Variants in RBM20 observed in about 807,000 individuals in gnomAD.
The protein encoded by RBM20 is RNA-binding protein 20.
In RBM20, 51 loss-of-function variants were observed where a neutral mutation model predicts 110.1. The ratio of observed to expected loss-of-function variants is 0.46; its 90% CI spans 0.37 to 0.59. The LOEUF (loss-of-function observed/expected upper bound fraction) is 0.59, where lower values mean the gene tolerates loss of function less well. Ranked by LOEUF, RBM20 falls within the 20% of genes least tolerant of loss-of-function variation. RBM20 has a pLI of 0.00. For missense variants in RBM20, 1,512 were observed against 1,574.9 expected, an observed-to-expected ratio of 0.96 and a Z score of 0.68; for synonymous variants, 589 against 618.2, an observed-to-expected ratio of 0.95 and a Z score of 0.70.
At chr10:110,813,053 G>T in intron 9 of RBM20, 106 bp downstream of exon 9, 1 of 822,876 alleles carries the variant, frequency 1.2e-6, no homozygotes, top group Non-Finnish European at 1.8e-6. Flanking sequence ...AACATTTACT[G>T]GCTATTTACT....
At chr10:110,648,715 G>GT (rs369349858) in intron 1 of RBM20, among the ~76,000 whole-genome samples, 2 of 46,314 alleles carry the variant, frequency 4.3e-5, no homozygotes, top group Non-Finnish European at 1.9e-4. Context: ...GGGAAGAAAA[G>GT]GGGGGGGTGC....
chr10:110,665,110 C>CG (rs1193140771), intron 1 of RBM20, among the ~76,000 whole-genome samples: 2 of 152,070 alleles, frequency 1.3e-5, no homozygotes, highest in Non-Finnish European at 2.9e-5. Context: ...CTCCTGGCTT[C>CG]GGTGATCTTC....
rs911777972 is a variant in RBM20, at chr10:110,739,890, C to T, written c.192-40911C>T. On this transcript the variant is annotated intron_variant, in intron 1 of 13. Transcript: ENST00000369519. The surrounding 1 kb of genome is among the most constrained non-coding windows in gnomAD (Gnocchi z 4.1). Reference sequence around the variant, plus strand: ...GCCCACAAGCAGTGAGGAAGCCACTCCCAGCGGCCCTGCCCGTCTGGGTCC... The same window carrying T: ...GCCCACAAGCAGTGAGGAAGCCACTTCCAGCGGCCCTGCCCGTCTGGGTCC... Among the ~76,000 whole-genome samples, 1 of 152,228 alleles carries T rather than the reference C, an allele frequency of 6.6e-6. No homozygotes were observed. The highest frequency in any genetic ancestry group is 2.4e-5 in the African/African-American group (1 of 41,462).
At chr10:110,644,253 T>C, upstream of RBM20, 1 of 317,278 alleles carries the variant, frequency 3.2e-6, no homozygotes, top group Non-Finnish European at 5.7e-6. This position sits in a 1 kb window ranked among gnomAD's most constrained non-coding sequence, Gnocchi z 4.3. Flanking sequence ...CGCCCCCGCG[T>C]GGCCGGCCGG....
chr10:110,646,562 C>T (rs1432265666), intron 1 of RBM20, among the ~76,000 whole-genome samples: 1 of 152,168 alleles, frequency 6.6e-6, no homozygotes, highest in African/African-American at 2.4e-5. Flanking sequence ...TGAATGTGCC[C>T]ATAGGATTTG....
chr10:110,696,265 A>G (rs1348819503), intron 1 of RBM20, among the ~76,000 whole-genome samples: 4 of 152,186 alleles, frequency 2.6e-5, no homozygotes, highest in Admixed American at 6.5e-5. Context: ...TTAGATGTAC[A>G]TGTCCCCAAC....
intron 1 of RBM20, among the ~76,000 whole-genome samples, chr10:110,719,711 G>A (rs181018754): frequency 1.5e-4 from 23 of 152,080 alleles, no homozygotes; most frequent in African/African-American, 5.1e-4. Context: ...TTTCTCCTAT[G>A]TGTATTTTTT....
At chr10:110,659,342 G>A (rs1862067646) in intron 1 of RBM20, among the ~76,000 whole-genome samples, 1 of 152,222 alleles carries the variant, frequency 6.6e-6, no homozygotes, top group Admixed American at 6.5e-5. Context: ...GTGACCAGAG[G>A]TAGCACTTAG....
chr10:110,803,530 A>T (rs952685194), intron 7 of RBM20, among the ~76,000 whole-genome samples: 1 of 152,164 alleles, frequency 6.6e-6, no homozygotes, highest in East Asian at 1.9e-4. Context: ...ACGAGGTCCC[A>T]GGAGATGCTG....
chr10:110,679,662 G>A (rs1043659727), intron 1 of RBM20, among the ~76,000 whole-genome samples: 3 of 152,242 alleles, frequency 2.0e-5, no homozygotes, highest in African/African-American at 7.2e-5. Flanking sequence ...CTTTATGCAA[G>A]GGCTTTGCGA....
intron 1 of RBM20, among the ~76,000 whole-genome samples, chr10:110,764,062 T>G (rs1270420989): frequency 6.6e-6 from 1 of 152,040 alleles, no homozygotes; most frequent in Non-Finnish European, 1.5e-5. Context: ...TCCTGAAAGG[T>G]ATTGCAGTTA....
chr10:110,738,236 C>T (rs184249512), intron 1 of RBM20, among the ~76,000 whole-genome samples: 13 of 152,186 alleles, frequency 8.5e-5, no homozygotes, highest in Admixed American at 3.9e-4. Context: ...AGAGAGTTGG[C>T]GGCCCTACAG....
chr10:110,704,482 A>G (rs991111290), intron 1 of RBM20, among the ~76,000 whole-genome samples: 4 of 152,210 alleles, frequency 2.6e-5, no homozygotes, highest in Admixed American at 2.0e-4. Context: ...TAATAATTAT[A>G]AAAAACACTT....
chr10:110,652,921 C>A (rs1461662196), intron 1 of RBM20, among the ~76,000 whole-genome samples: 1 of 152,172 alleles, frequency 6.6e-6, no homozygotes, highest in African/African-American at 2.4e-5. Flanking sequence ...GCTCACCCAC[C>A]CACACGGGAC....
intron 12 of RBM20, among the ~76,000 whole-genome samples, chr10:110,824,460 T>A (rs1386890138): frequency 6.6e-6 from 1 of 152,190 alleles, no homozygotes; most frequent in Non-Finnish European, 1.5e-5. Context: ...AGACCTGGGT[T>A]TCTGTTCTTC....
intron 1 of RBM20, among the ~76,000 whole-genome samples, chr10:110,725,697 C>T (rs1843552676): frequency 6.6e-6 from 1 of 152,212 alleles, no homozygotes; most frequent in South Asian, 2.1e-4. Context: ...TTAGGTGTGA[C>T]ATCTTGCTTG....
chr10:110,774,971 G>A (rs967362645), intron 1 of RBM20, among the ~76,000 whole-genome samples: 2 of 152,124 alleles, frequency 1.3e-5, no homozygotes, highest in African/African-American at 4.8e-5. Flanking sequence ...CCATAAATAA[G>A]GAATGTTTTA....
At chr10:110,791,549 T>A (rs1844483865) in intron 5 of RBM20, among the ~76,000 whole-genome samples, 1 of 152,242 alleles carries the variant, frequency 6.6e-6, no homozygotes, top group African/African-American at 2.4e-5. Context: ...CAAGGGGCAA[T>A]GAAAGGTCTT....
At chr10:110,738,547 G>T (rs1590646175) in intron 1 of RBM20, among the ~76,000 whole-genome samples, 2 of 152,156 alleles carry the variant, frequency 1.3e-5, no homozygotes, top group African/African-American at 4.8e-5. Flanking sequence ...ACCAAGGTCT[G>T]TGAAATGACA....
Sources: gnomAD v4.1 joint callset for allele counts (sites outside exome capture counted in the v4.1 genomes callset) on GRCh38, gnomAD v4.1.1 for gene constraint, Gnocchi (gnomAD v3.1) non-coding constraint, MANE v1.5 for transcripts, NCBI Gene and HGNC (gene_info 2026-07-23, HGNC 2026-07-21) for gene names.